Variants in RGS5 observed in about 807,000 individuals in gnomAD.
RGS5 encodes the protein regulator of G protein signaling 5.
RGS5 carries 20 observed loss-of-function variants against 18.9 expected under a neutral mutation model. That is an observed-to-expected ratio of 1.06 (90% confidence interval 0.74 to 1.54). The LOEUF (loss-of-function observed/expected upper bound fraction) is 1.54, where lower values mean the gene tolerates loss of function less well. Among genes scored for constraint, RGS5 ranks in the 40% most tolerant of loss-of-function variants. The probability of loss-of-function intolerance (pLI) is 0.00; values close to 1 mark genes in which losing one functional copy is unlikely to be tolerated. For missense variants in RGS5, 201 were observed against 211.8 expected, an observed-to-expected ratio of 0.95 and a Z score of 0.32; for synonymous variants, 57 against 76.2, an observed-to-expected ratio of 0.75 and a Z score of 1.31.
intron 2 of RGS5, among the ~76,000 whole-genome samples, chr1:163,270,207 C>T (rs1648681859): frequency 6.6e-6 from 1 of 151,998 alleles, no homozygotes; most frequent in East Asian, 1.9e-4. Context: ...AGTTCTTTTT[C>T]TTTGCCTGAA....
chr1:163,203,437 G>C (rs1457905428), upstream of RGS5, among the ~76,000 whole-genome samples: 1 of 152,196 alleles, frequency 6.6e-6, no homozygotes, highest in Admixed American at 6.5e-5. Flanking sequence ...CTGCCCTCAA[G>C]ACCCCAAAAC....
At chr1:163,309,049 A>T (rs7540645) in intron 1 of RGS5, among the ~76,000 whole-genome samples, 63,249 of 152,018 alleles carry the variant, frequency 0.42, 13,655 homozygotes, top group South Asian at 0.5. Context: ...CTACTGACTG[A>T]TCAGGGTGAT....
chr1:163,271,663 G>A (rs985798710), intron 2 of RGS5, among the ~76,000 whole-genome samples: 2 of 152,078 alleles, frequency 1.3e-5, no homozygotes. Context: ...TTTGTTGTTT[G>A]GACACACCAC....
At chr1:163,235,964 T>A (rs573478762) in intron 2 of RGS5, among the ~76,000 whole-genome samples, 1 of 152,326 alleles carries the variant, frequency 6.6e-6, no homozygotes, top group South Asian at 2.1e-4. Flanking sequence ...TAGCCATGAA[T>A]CTTTTCAAGA....
chr1:163,221,063 C>T (rs538445115), upstream of RGS5, among the ~76,000 whole-genome samples: 28 of 152,152 alleles, frequency 1.8e-4, no homozygotes, highest in African/African-American at 6.5e-4. Context: ...CTAATAGGTT[C>T]TTTTTGGTGA....
chr1:163,311,925 G>T (rs961271349), intron 1 of RGS5, among the ~76,000 whole-genome samples: 1 of 152,196 alleles, frequency 6.6e-6, no homozygotes, highest in Non-Finnish European at 1.5e-5. Flanking sequence ...TGCAGTATCT[G>T]CAAATCATAA....
At chr1:163,243,660 A>AC (rs1647857177) in intron 2 of RGS5, among the ~76,000 whole-genome samples, 1 of 151,094 alleles carries the variant, frequency 6.6e-6, no homozygotes, top group Non-Finnish European at 1.5e-5. Context: ...AAAAAAAAAA[A>AC]AAAAACCTAG....
intron 2 of RGS5, among the ~76,000 whole-genome samples, chr1:163,296,272 T>C (rs943988195): frequency 1.1e-4 from 17 of 152,222 alleles, no homozygotes; most frequent in Non-Finnish European, 2.4e-4. Context: ...ACACCTGTTA[T>C]TAGACTCTAC....
chr1:163,302,719 C>T (rs1649584193), intron 2 of RGS5, among the ~76,000 whole-genome samples: 1 of 152,182 alleles, frequency 6.6e-6, no homozygotes, highest in South Asian at 2.1e-4. Context: ...CTCTCTTCCT[C>T]TGTGCTTTCC....
intron 1 of RGS5, among the ~76,000 whole-genome samples, chr1:163,216,933 G>A (rs1337866145): frequency 6.6e-6 from 1 of 152,156 alleles, no homozygotes; most frequent in African/African-American, 2.4e-5. Flanking sequence ...AAACTCCACT[G>A]GGTTTTTAAT....
intron 2 of RGS5, among the ~76,000 whole-genome samples, chr1:163,162,319 C>T (rs1011488564): frequency 2.0e-5 from 3 of 152,126 alleles, no homozygotes; most frequent in African/African-American, 4.8e-5. Context: ...AATATAACTT[C>T]ATGAAATCCA....
Position 163,161,986 on chromosome 1 carries a change from T to C in RGS5, c.156-10A>G. On this transcript the variant is annotated splice_polypyrimidine_tract_variant and intron_variant, in intron 2 of 4. Transcript: ENST00000313961. ...CTCGTCCAGCGAGGTTCTACATCAATAATAAGGAGAGAAAAGGGGTATGGC... is the reference window on the plus strand; with the variant it reads ...CTCGTCCAGCGAGGTTCTACATCAACAATAAGGAGAGAAAAGGGGTATGGC... The C allele has an allele frequency of 1.2e-6, 2 of 1,609,472 alleles. No individual in the cohort carries two copies. The highest frequency in any genetic ancestry group is 1.7e-6 in the Non-Finnish European group (2 of 1,175,994).
chr1:163,298,187 G>A (rs112668720), intron 2 of RGS5, among the ~76,000 whole-genome samples: 26 of 152,212 alleles, frequency 1.7e-4, no homozygotes, highest in African/African-American at 6.0e-4. Flanking sequence ...ATATATATAT[G>A]TGCATATCAC....
chr1:163,286,390 A>G (rs1371293396), intron 2 of RGS5, among the ~76,000 whole-genome samples: 1 of 152,128 alleles, frequency 6.6e-6, no homozygotes, highest in African/African-American at 2.4e-5. Context: ...GACCATACAC[A>G]TATATGAATA....
intron 1 of RGS5, among the ~76,000 whole-genome samples, chr1:163,193,385 C>G (rs1213656942): frequency 6.6e-6 from 1 of 152,082 alleles, no homozygotes; most frequent in East Asian, 1.9e-4. Context: ...GAAATATTTT[C>G]TTTTTGAAGG....
chr1:163,161,194 A>G (rs1021012737), intron 3 of RGS5, among the ~76,000 whole-genome samples: 2 of 152,236 alleles, frequency 1.3e-5, no homozygotes, highest in Non-Finnish European at 2.9e-5. Flanking sequence ...GAAATCCTAT[A>G]TGGAACAGAG....
chr1:163,171,439 T>C (rs1658292985), intron 1 of RGS5, among the ~76,000 whole-genome samples: 1 of 152,158 alleles, frequency 6.6e-6, no homozygotes, highest in Non-Finnish European at 1.5e-5. Flanking sequence ...GCAACTGTTT[T>C]CAGTTTCAAC....
chr1:163,245,420 AT>A (rs1647902291), intron 2 of RGS5, among the ~76,000 whole-genome samples: 1 of 152,120 alleles, frequency 6.6e-6, no homozygotes, highest in Non-Finnish European at 1.5e-5. Flanking sequence ...ACCTATCTAT[AT>A]TTTTTCTTTG....
chr1:163,213,858 C>T (rs779626572), intron 1 of RGS5, among the ~76,000 whole-genome samples: 5 of 152,068 alleles, frequency 3.3e-5, no homozygotes, highest in Non-Finnish European at 7.4e-5. Flanking sequence ...TGCATCACTC[C>T]ACCAATGATT....
Sources: allele counts gnomAD v4.1 joint callset (sites outside exome capture counted in the v4.1 genomes callset), GRCh38; gene constraint gnomAD v4.1.1; transcripts MANE v1.5; gene names NCBI Gene and HGNC (gene_info 2026-07-23, HGNC 2026-07-21).